GPR137C: variants seen among roughly 807,000 people sequenced by gnomAD.
GPR137C encodes integral membrane protein GPR137C.
Under a neutral mutation model 43.4 loss-of-function variants are expected in GPR137C, and 27 were observed. That is an observed-to-expected ratio of 0.62 (90% confidence interval 0.46 to 0.86). GPR137C has a LOEUF of 0.86. GPR137C is among the 40% of genes least tolerant of loss of function. The pLI is 0.00. For missense variants in GPR137C, 522 were observed against 534.6 expected (o/e 0.98, Z 0.23); for synonymous variants, 285 against 226.9 (o/e 1.26, Z -2.30).
At chr14:52,593,822 C>CTGT (rs2038815613) in intron 1 of GPR137C, among the ~76,000 whole-genome samples, 2 of 152,010 alleles carry the variant, frequency 1.3e-5, no homozygotes, top group African/African-American at 4.8e-5. Context: ...TTTCATGTCT[C>CTGT]TGTCTCCCTC....
chr14:52,619,860 T>C (rs1276747111), intron 3 of GPR137C, among the ~76,000 whole-genome samples: 1 of 152,100 alleles, frequency 6.6e-6, no homozygotes, highest in Non-Finnish European at 1.5e-5. Flanking sequence ...TTAATTCTAC[T>C]TTGTTTTCTT....
At chr14:52,622,796 T>G (rs935876723) in intron 3 of GPR137C, among the ~76,000 whole-genome samples, 3 of 152,132 alleles carry the variant, frequency 2.0e-5, no homozygotes, top group Non-Finnish European at 2.9e-5. Flanking sequence ...ACATAGAATG[T>G]TAAATACACA....
chr14:52,631,178 TAATTATA>T (rs750601388), intron 3 of GPR137C, among the ~76,000 whole-genome samples: 5 of 152,200 alleles, frequency 3.3e-5, no homozygotes, highest in Admixed American at 2.6e-4. Flanking sequence ...CTGACTCAGA[TAATTATA>T]AACAGGTGTT....
At chr14:52,594,089 C>T (rs2038819125) in intron 1 of GPR137C, among the ~76,000 whole-genome samples, 1 of 152,140 alleles carries the variant, frequency 6.6e-6, no homozygotes, top group South Asian at 2.1e-4. Context: ...CATTATTTAC[C>T]CAGTAGTCAT....
intron 1 of GPR137C, among the ~76,000 whole-genome samples, chr14:52,586,391 G>T (rs1178735067): frequency 6.6e-6 from 1 of 152,138 alleles, no homozygotes; most frequent in Non-Finnish European, 1.5e-5. Flanking sequence ...TTGCACTTCT[G>T]CTCTGTCAAT....
intron 1 of GPR137C, among the ~76,000 whole-genome samples, chr14:52,562,603 G>C (rs2038303147): frequency 6.6e-6 from 1 of 151,950 alleles, no homozygotes; most frequent in African/African-American, 2.4e-5. Context: ...TTAAAAAACA[G>C]CAAACAAAAA....
At chr14:52,596,972 A>G (rs2038864261) in intron 1 of GPR137C, 1 of 454,624 alleles carries the variant, frequency 2.2e-6, no homozygotes, top group Non-Finnish European at 4.4e-6. Flanking sequence ...CCCATCTTAT[A>G]TCTCCAAATG....
chr14:52,555,903 A>G (rs1160052306), intron 1 of GPR137C, among the ~76,000 whole-genome samples: 3 of 152,224 alleles, frequency 2.0e-5, no homozygotes. Context: ...TCTTTTCATT[A>G]GAGAAAATCT....
At chr14:52,616,820 C>A (rs2039105232) in intron 3 of GPR137C, among the ~76,000 whole-genome samples, 1 of 152,172 alleles carries the variant, frequency 6.6e-6, no homozygotes, top group African/African-American at 2.4e-5. Flanking sequence ...TCAGCCCAAT[C>A]CAGATCATTG....
At chr14:52,582,411 A>T (rs2038659522) in intron 1 of GPR137C, among the ~76,000 whole-genome samples, 1 of 152,258 alleles carries the variant, frequency 6.6e-6, no homozygotes, top group Non-Finnish European at 1.5e-5. Flanking sequence ...ATATTACATT[A>T]GGTGACAGTC....
At chr14:52,553,653 C>G in intron 1 of GPR137C, 62 bp downstream of exon 1, 14 of 1,296,558 alleles carry the variant, frequency 1.1e-5, no homozygotes, top group Non-Finnish European at 1.5e-5. Context: ...GGGATCAACT[C>G]CCGCTGAGGA....
chr14:52,614,441 A>T (rs915941962), intron 3 of GPR137C, among the ~76,000 whole-genome samples: 1 of 152,102 alleles, frequency 6.6e-6, no homozygotes, highest in Non-Finnish European at 1.5e-5. Flanking sequence ...TTCGCCATTC[A>T]TAAGTCTTCT....
intron 3 of GPR137C, among the ~76,000 whole-genome samples, chr14:52,618,371 G>A (rs892175177): frequency 2.0e-5 from 3 of 152,102 alleles, no homozygotes; most frequent in African/African-American, 7.2e-5. Context: ...ACTGGATACT[G>A]TCTTTTAACT....
chr14:52,625,315 C>CT (rs1256785537), intron 3 of GPR137C, among the ~76,000 whole-genome samples: 1 of 151,666 alleles, frequency 6.6e-6, no homozygotes, highest in East Asian at 2.0e-4. Flanking sequence ...AACCCCATCT[C>CT]TACTAAAAAT....
intron 1 of GPR137C, among the ~76,000 whole-genome samples, chr14:52,587,809 C>T (rs529803215): frequency 1.3e-5 from 2 of 152,096 alleles, no homozygotes; most frequent in Non-Finnish European, 2.9e-5. Flanking sequence ...ATAACTAAAC[C>T]GTAAGTTTGA....
chr14:52,616,077 T>C (rs1440244240), intron 3 of GPR137C, among the ~76,000 whole-genome samples: 1 of 152,210 alleles, frequency 6.6e-6, no homozygotes, highest in East Asian at 1.9e-4. Context: ...TCTCAAGTAC[T>C]GCCTTGGCAC....
chr14:52,573,742 G>T (rs573354414), intron 1 of GPR137C, among the ~76,000 whole-genome samples: 1 of 152,252 alleles, frequency 6.6e-6, no homozygotes, highest in South Asian at 2.1e-4. Context: ...TTAAACTAAA[G>T]AACTTCTGCA....
At chr14:52,583,041 C>G (rs2038667891) in intron 1 of GPR137C, among the ~76,000 whole-genome samples, 1 of 151,950 alleles carries the variant, frequency 6.6e-6, no homozygotes, top group Non-Finnish European at 1.5e-5. Context: ...TTTATACTTT[C>G]ATAGAAAGAA....
intron 3 of GPR137C, among the ~76,000 whole-genome samples, chr14:52,606,424 T>C (rs1186890389): frequency 1.3e-5 from 2 of 152,158 alleles, no homozygotes; most frequent in African/African-American, 2.4e-5. Context: ...ATAGTGCTTT[T>C]ATTTATTAAT....
Sources: allele counts gnomAD v4.1 joint callset (sites outside exome capture counted in the v4.1 genomes callset), GRCh38; gene constraint gnomAD v4.1.1; transcripts MANE v1.5; gene names NCBI Gene and HGNC (gene_info 2026-07-23, HGNC 2026-07-21).